Variants in TRMT11 observed in about 807,000 individuals in gnomAD.
TRMT11 encodes tRNA (guanine(10)-N(2))-methyltransferase TRMT11.
TRMT11 carries 53 observed loss-of-function variants against 62.8 expected under a neutral mutation model. The observed-to-expected ratio is 0.84, with a 90% CI of 0.68 to 1.06. The LOEUF (loss-of-function observed/expected upper bound fraction) is 1.06, where lower values mean the gene tolerates loss of function less well. Among genes scored for constraint, TRMT11 ranks in the 50% least tolerant of loss-of-function variants. TRMT11 has a pLI of 0.00. For synonymous variants in TRMT11, 188 were observed against 190.3 expected (o/e 0.99, Z 0.10); for missense variants, 556 against 553.4 (o/e 1.00, Z -0.05).
At chr6:126,059,297 C>G (rs1269520530) in intron 17 of TRMT11, among the ~76,000 whole-genome samples, 1 of 152,160 alleles carries the variant, frequency 6.6e-6, no homozygotes, top group African/African-American at 2.4e-5. Flanking sequence ...TTTCTATCCT[C>G]TCTAAGATTC....
At chr6:126,226,876 G>A in the TRMT11 span, among the ~76,000 whole-genome samples, 304 of 152,226 alleles carry the variant, frequency 2.0e-3, no homozygotes, top group South Asian at 1.0e-2. Context: ...TAGAATCATG[G>A]GGGCAGGTCT....
At chr6:126,051,274 G>A (rs1298621854) in intron 16 of TRMT11, among the ~76,000 whole-genome samples, 2 of 152,150 alleles carry the variant, frequency 1.3e-5, no homozygotes, top group African/African-American at 2.4e-5. Context: ...GGAAAGATCC[G>A]GGAGGAGGTA....
At chr6:126,213,321 T>G in the TRMT11 span, among the ~76,000 whole-genome samples, 187 of 152,148 alleles carry the variant, frequency 1.2e-3, no homozygotes, top group South Asian at 4.4e-3. Context: ...GTCATTGGTA[T>G]TTTTATAGGA....
intron 21 of TRMT11, among the ~76,000 whole-genome samples, chr6:126,152,212 C>A (rs901475130): frequency 6.7e-6 from 1 of 149,824 alleles, no homozygotes; most frequent in African/African-American, 2.5e-5. Context: ...TCCTGAAATG[C>A]AGATTAGGTT....
chr6:126,246,442 A>G, the TRMT11 span, among the ~76,000 whole-genome samples: 1 of 152,208 alleles, frequency 6.6e-6, no homozygotes, highest in Non-Finnish European at 1.5e-5. Flanking sequence ...ATGGAAAAGT[A>G]AAACATAGTG....
chr6:125,990,072 C>G (rs967242780), intron 1 of TRMT11, among the ~76,000 whole-genome samples: 3 of 152,074 alleles, frequency 2.0e-5, no homozygotes, highest in Non-Finnish European at 4.4e-5. Context: ...TGCCAAAATT[C>G]TTATTTTTTT....
chr6:126,128,016 G>C (rs1215956390), intron 21 of TRMT11, among the ~76,000 whole-genome samples: 6 of 152,070 alleles, frequency 3.9e-5, no homozygotes, highest in Admixed American at 3.3e-4. Flanking sequence ...ACGTGCTTTA[G>C]AAAGCCTAGC....
chr6:126,251,033 A>AT, the TRMT11 span, among the ~76,000 whole-genome samples: 2,341 of 139,012 alleles, frequency 0.017, 60 homozygotes, highest in African/African-American at 0.054. Context: ...TTAATTTTCA[A>AT]TTTTTTTTTT....
intron 16 of TRMT11, among the ~76,000 whole-genome samples, chr6:126,051,968 CT>C: frequency 6.6e-6 from 1 of 152,158 alleles, no homozygotes; most frequent in Non-Finnish European, 1.5e-5. Flanking sequence ...TCCAAGATTC[CT>C]TCTGTGCCGT....
intron 12 of TRMT11, among the ~76,000 whole-genome samples, chr6:126,021,971 A>T (rs1406178239): frequency 6.6e-6 from 1 of 151,948 alleles, no homozygotes; most frequent in Non-Finnish European, 1.5e-5. Context: ...ATTCACTGGA[A>T]ACTTGGATGA....
At chr6:126,238,523 G>C in the TRMT11 span, among the ~76,000 whole-genome samples, 1 of 151,274 alleles carries the variant, frequency 6.6e-6, no homozygotes, top group African/African-American at 2.4e-5. Context: ...GAGCGGTTTT[G>C]AGTGAGTTTC....
At chr6:126,151,905 C>CCCTTTCTTTCTT (rs1726757205) in intron 21 of TRMT11, among the ~76,000 whole-genome samples, 1 of 80,362 alleles carries the variant, frequency 1.2e-5, no homozygotes, top group Non-Finnish European at 2.3e-5. Flanking sequence ...TCTTTCTTTT[C>CCCTTTCTTTCTT]TCTTTCTTTC....
the TRMT11 span, among the ~76,000 whole-genome samples, chr6:126,253,188 G>A: frequency 6.6e-6 from 1 of 151,886 alleles, no homozygotes; most frequent in African/African-American, 2.4e-5. Context: ...TGTAATCCCA[G>A]CACTTTGGGA....
At chr6:126,140,343 G>A (rs1427112562) in intron 21 of TRMT11, among the ~76,000 whole-genome samples, 3 of 151,882 alleles carry the variant, frequency 2.0e-5, no homozygotes, top group Admixed American at 1.3e-4. Flanking sequence ...TTCCTTTCTT[G>A]TGCTTTCTCT....
chr6:126,228,439 C>T, the TRMT11 span, among the ~76,000 whole-genome samples: 9 of 152,296 alleles, frequency 5.9e-5, no homozygotes, highest in Admixed American at 2.6e-4. Flanking sequence ...TTTTGCCCTG[C>T]GGTGACTCTC....
At chr6:126,073,698 A>G (rs996303975) in intron 17 of TRMT11, among the ~76,000 whole-genome samples, 8 of 152,108 alleles carry the variant, frequency 5.3e-5, no homozygotes, top group African/African-American at 1.9e-4. Flanking sequence ...AAGCCAAGAT[A>G]CTTTTGTGAT....
chr6:126,090,844 C>A (rs534530603), intron 17 of TRMT11, among the ~76,000 whole-genome samples: 3 of 152,296 alleles, frequency 2.0e-5, no homozygotes, highest in Admixed American at 2.0e-4. Flanking sequence ...CAGCCTCTTT[C>A]TTCAAAGCTT....
At chr6:126,192,930 A>G (rs1218590073) in intron 1 of TRMT11, among the ~76,000 whole-genome samples, 1 of 152,162 alleles carries the variant, frequency 6.6e-6, no homozygotes, top group Non-Finnish European at 1.5e-5. Flanking sequence ...TGTGTAGCAT[A>G]ATGCATGCCT....
chr6:126,115,955 C>T (rs1422253916), intron 21 of TRMT11, among the ~76,000 whole-genome samples: 3 of 151,868 alleles, frequency 2.0e-5, no homozygotes, highest in Admixed American at 1.3e-4. Context: ...TCTGGGCTCC[C>T]CCCTCCAAGA....
Sources: gnomAD v4.1 joint callset for allele counts (sites outside exome capture counted in the v4.1 genomes callset) on GRCh38, gnomAD v4.1.1 for gene constraint, MANE v1.5 for transcripts, NCBI Gene and HGNC (gene_info 2026-07-23, HGNC 2026-07-21) for gene names.